TANC2: variants seen among roughly 807,000 people sequenced by gnomAD.
TANC2 encodes the protein tetratricopeptide repeat, ankyrin repeat and coiled-coil containing 2.
In TANC2, 26 loss-of-function variants were observed where a neutral mutation model predicts 210.5. The observed-to-expected ratio is 0.12, with a 90% confidence interval of 0.09 to 0.17. The LOEUF (loss-of-function observed/expected upper bound fraction) is 0.17. Among genes scored for constraint, TANC2 ranks in the 10% least tolerant of loss-of-function variants. The pLI is 1.00. For missense variants in TANC2, 2,129 were observed against 2,608.9 expected, an observed-to-expected ratio of 0.82 and a Z score of 4.01; for synonymous variants, 931 against 967.1, an observed-to-expected ratio of 0.96 and a Z score of 0.69.
chr17:63,417,940 G>C (rs2048915743), intron 26 of TANC2, among the ~76,000 whole-genome samples: 1 of 152,248 alleles, frequency 6.6e-6, no homozygotes, highest in African/African-American at 2.4e-5. Flanking sequence ...GGGTCCACGT[G>C]AAATGTGGAC....
intron 9 of TANC2, among the ~76,000 whole-genome samples, chr17:63,276,582 A>G (rs2043881644): frequency 6.6e-6 from 1 of 151,806 alleles, no homozygotes; most frequent in Non-Finnish European, 1.5e-5. Context: ...TTTTCTCAAC[A>G]AATGTTTTCC....
At chr17:62,998,411 C>A (rs76568421) in intron 1 of TANC2, among the ~76,000 whole-genome samples, 4,227 of 152,170 alleles carry the variant, frequency 0.028, 76 homozygotes, top group South Asian at 0.036. Context: ...TCAGGAAATG[C>A]AGAAAATCCA....
intron 4 of TANC2, 94 bp downstream of exon 4, chr17:63,099,451 T>A: frequency 1.1e-6 from 1 of 945,426 alleles, no homozygotes; most frequent in Non-Finnish European, 1.4e-6. Context: ...CATCTTTAGG[T>A]TTTTCCTCTC....
At chr17:63,282,620 A>G (rs909980175) in intron 9 of TANC2, among the ~76,000 whole-genome samples, 10 of 152,090 alleles carry the variant, frequency 6.6e-5, no homozygotes, top group African/African-American at 2.4e-4. Flanking sequence ...ATGATATTCA[A>G]AGTGGTTGTA....
At chr17:63,213,326 G>A (rs2145882133) in intron 7 of TANC2, among the ~76,000 whole-genome samples, 1 of 152,256 alleles carries the variant, frequency 6.6e-6, no homozygotes, top group South Asian at 2.1e-4. Flanking sequence ...ACCACAAAAG[G>A]CAAGGAATTA....
At chr17:63,329,227 A>G (rs775769628) in intron 11 of TANC2, among the ~76,000 whole-genome samples, 1 of 152,158 alleles carries the variant, frequency 6.6e-6, no homozygotes, top group Non-Finnish European at 1.5e-5. Context: ...GAAAAATTAT[A>G]GCATATACTA....
At chr17:63,125,064 G>A (rs946433877) in intron 4 of TANC2, 4 of 152,088 alleles carry the variant, frequency 2.6e-5, no homozygotes, top group African/African-American at 4.8e-5. Flanking sequence ...TAAATTTCTC[G>A]TTAAGATAGC....
chr17:63,077,717 T>C (rs1436563462), intron 3 of TANC2, among the ~76,000 whole-genome samples: 3 of 152,180 alleles, frequency 2.0e-5, no homozygotes, highest in Admixed American at 6.5e-5. Context: ...GTCAGTTCTT[T>C]AGCAGAATCC....
At chr17:63,309,155 T>C (rs968164104) in intron 9 of TANC2, among the ~76,000 whole-genome samples, 2 of 152,136 alleles carry the variant, frequency 1.3e-5, no homozygotes, top group Admixed American at 6.5e-5. Flanking sequence ...CCATACATGC[T>C]GCAAAAAATG....
intron 5 of TANC2, among the ~76,000 whole-genome samples, chr17:63,174,024 C>G (rs2040496017): frequency 6.6e-6 from 1 of 152,210 alleles, no homozygotes; most frequent in South Asian, 2.1e-4. Context: ...GCATCCTCCC[C>G]TACAGCCACT....
exon 20 of TANC2, chr17:63,405,132 T>G: frequency 6.2e-7 from 1 of 1,611,640 alleles, no homozygotes. Context: ...CCCTAACAGC[T>G]GCAGCCGGAA....
chr17:63,405,744 T>C (rs2048483482), intron 20 of TANC2, among the ~76,000 whole-genome samples: 1 of 152,170 alleles, frequency 6.6e-6, no homozygotes, highest in Non-Finnish European at 1.5e-5. Context: ...AAAAAGGCTG[T>C]AGAAGCCAAA....
At chr17:63,375,552 G>T (rs762101956) in intron 14 of TANC2, among the ~76,000 whole-genome samples, 1 of 152,192 alleles carries the variant, frequency 6.6e-6, no homozygotes, top group Non-Finnish European at 1.5e-5. Flanking sequence ...ATAGATAGTG[G>T]ATCAGAGACT....
At chr17:63,008,021 A>ATTTTTTT (rs2033701817) in intron 1 of TANC2, among the ~76,000 whole-genome samples, 1 of 129,908 alleles carries the variant, frequency 7.7e-6, no homozygotes, top group Non-Finnish European at 1.6e-5. Context: ...TTTTTAAGTC[A>ATTTTTTT]TTATTTTTTG....
chr17:63,177,410 A>G (rs1479187265), intron 5 of TANC2, among the ~76,000 whole-genome samples: 1 of 151,978 alleles, frequency 6.6e-6, no homozygotes, highest in Non-Finnish European at 1.5e-5. Context: ...GATAGCAACT[A>G]GATGGTAGTG....
chr17:63,019,270 T>C (rs779335551), intron 2 of TANC2, among the ~76,000 whole-genome samples: 7 of 152,164 alleles, frequency 4.6e-5, no homozygotes, highest in Non-Finnish European at 8.8e-5. Context: ...CAGGCTGGCA[T>C]GCAGTGGCGT....
intron 14 of TANC2, among the ~76,000 whole-genome samples, chr17:63,362,267 G>A (rs946428082): frequency 1.3e-5 from 2 of 152,210 alleles, no homozygotes; most frequent in Admixed American, 1.3e-4. Flanking sequence ...CTGAGTCCAG[G>A]GTTTTTATGG....
At chr17:63,110,183 G>A (rs1454249761) in intron 4 of TANC2, among the ~76,000 whole-genome samples, 1 of 151,466 alleles carries the variant, frequency 6.6e-6, no homozygotes, top group East Asian at 1.9e-4. Context: ...CTTTAGTCCT[G>A]TAGTTCTGTG....
intron 5 of TANC2, among the ~76,000 whole-genome samples, chr17:63,156,033 C>G (rs769226307): frequency 6.6e-6 from 1 of 151,730 alleles, no homozygotes; most frequent in Non-Finnish European, 1.5e-5. Context: ...AAAAAATTTC[C>G]GAGAACATTA....
Sources: gnomAD v4.1 joint callset for allele counts (sites outside exome capture counted in the v4.1 genomes callset) on GRCh38, gnomAD v4.1.1 for gene constraint, MANE v1.5 for transcripts, NCBI Gene and HGNC (gene_info 2026-07-23, HGNC 2026-07-21) for gene names.